The following PCDH15 variants were observed in gnomAD, a reference collection of about 807,000 sequenced individuals.
PCDH15 encodes the protein protocadherin-15.
PCDH15 carries 129 observed loss-of-function variants against 178.5 expected under a neutral mutation model. The observed-to-expected ratio is 0.72, with a 90% confidence interval of 0.63 to 0.84. PCDH15 has a LOEUF of 0.84. PCDH15 is among the 40% of genes least tolerant of loss of function. The probability of loss-of-function intolerance (pLI) is 0.00; values close to 1 mark genes in which losing one functional copy is unlikely to be tolerated. For missense variants in PCDH15, 2,230 were observed against 2,099.9 expected (o/e 1.06, Z -1.21); for synonymous variants, 800 against 732.0 (o/e 1.09, Z -1.50).
At chr10:55,333,169 A>G (rs1327059946) in intron 2 of PCDH15, among the ~76,000 whole-genome samples, 3 of 152,184 alleles carry the variant, frequency 2.0e-5, no homozygotes, top group Non-Finnish European at 4.4e-5. Context: ...CTTTAACATC[A>G]TAATAAGAGA....
chr10:54,331,716 A>T (rs1429060536), intron 6 of PCDH15, among the ~76,000 whole-genome samples: 1 of 151,996 alleles, frequency 6.6e-6, no homozygotes, highest in Admixed American at 6.6e-5. Context: ...TTCTAGCATA[A>T]ATATGGAAGA....
chr10:54,113,964 T>C (rs943011224), intron 15 of PCDH15, among the ~76,000 whole-genome samples: 3 of 151,934 alleles, frequency 2.0e-5, no homozygotes, highest in East Asian at 3.9e-4. Flanking sequence ...GAATTTCCCT[T>C]TATAAAACCA....
chr10:53,808,760 T>C, intron 37 of PCDH15: 1 of 1,612,700 alleles, frequency 6.2e-7, no homozygotes, highest in Admixed American at 1.7e-5. Flanking sequence ...TTCTTGCTTC[T>C]GTCATACGCT....
intron 3 of PCDH15, among the ~76,000 whole-genome samples, chr10:54,843,360 T>C (rs1003480816): frequency 1.4e-4 from 21 of 151,966 alleles, no homozygotes; most frequent in Non-Finnish European, 2.4e-4. Context: ...GCCAGACTTC[T>C]GGGTCAGAAT....
At chr10:54,731,572 A>ATACG (rs1336901141) in intron 1 of PCDH15, among the ~76,000 whole-genome samples, 2 of 45,246 alleles carry the variant, frequency 4.4e-5, no homozygotes. Context: ...ATACACACAC[A>ATACG]CACACACACA....
chr10:55,133,072 T>A (rs1484472463), intron 2 of PCDH15, among the ~76,000 whole-genome samples: 1 of 152,196 alleles, frequency 6.6e-6, no homozygotes, highest in Admixed American at 6.5e-5. Context: ...GACTGATAGA[T>A]CTCGATTTGA....
chr10:54,319,124 A>G (rs2061443763), intron 7 of PCDH15, among the ~76,000 whole-genome samples: 1 of 152,196 alleles, frequency 6.6e-6, no homozygotes, highest in Non-Finnish European at 1.5e-5. Flanking sequence ...CAGAATCTGG[A>G]AATGTTTTTA....
At chr10:54,995,418 A>T (rs931137088) in intron 2 of PCDH15, among the ~76,000 whole-genome samples, 1 of 151,628 alleles carries the variant, frequency 6.6e-6, no homozygotes, top group African/African-American at 2.4e-5. Flanking sequence ...AAGGAAAAAA[A>T]TTATCTTACT....
At chr10:54,239,151 A>T (rs1283505982) in intron 8 of PCDH15, among the ~76,000 whole-genome samples, 1 of 152,110 alleles carries the variant, frequency 6.6e-6, no homozygotes, top group Non-Finnish European at 1.5e-5. Context: ...ATATTTGAGG[A>T]TATGTTGGCT....
intron 3 of PCDH15, among the ~76,000 whole-genome samples, chr10:54,496,999 T>C (rs1392076889): frequency 3.3e-5 from 5 of 152,124 alleles, no homozygotes; most frequent in Admixed American, 2.6e-4. Context: ...TGCAGTCCCC[T>C]GGCACTGGAC....
chr10:55,483,082 G>A (rs988352433), intron 2 of PCDH15, among the ~76,000 whole-genome samples: 2 of 151,750 alleles, frequency 1.3e-5, no homozygotes, highest in African/African-American at 4.8e-5. Context: ...CATGGGCAAA[G>A]ATTTCATTAT....
chr10:54,214,747 T>C (rs545570255), intron 9 of PCDH15, among the ~76,000 whole-genome samples: 2 of 152,094 alleles, frequency 1.3e-5, no homozygotes, highest in Non-Finnish European at 2.9e-5. Flanking sequence ...TGTGCCACCA[T>C]GCCTGGCTAT....
chr10:55,390,872 C>G (rs995398281), intron 2 of PCDH15, among the ~76,000 whole-genome samples: 2 of 152,174 alleles, frequency 1.3e-5, no homozygotes, highest in African/African-American at 4.8e-5. Context: ...ATTGTGAAAA[C>G]AGATGTACAA....
chr10:54,176,254 A>C (rs2047426016), intron 13 of PCDH15, among the ~76,000 whole-genome samples: 1 of 152,146 alleles, frequency 6.6e-6, no homozygotes, highest in South Asian at 2.1e-4. Context: ...TCTTAAAGGA[A>C]CTTACAGATC....
At chr10:54,611,200 A>T (rs1359097737) in intron 2 of PCDH15, among the ~76,000 whole-genome samples, 2 of 151,842 alleles carry the variant, frequency 1.3e-5, no homozygotes, top group African/African-American at 4.8e-5. Context: ...TTGCCAAGTT[A>T]TGTGTCTTTA....
At chr10:55,343,619 A>T (rs139767074) in intron 2 of PCDH15, among the ~76,000 whole-genome samples, 1 of 137,734 alleles carries the variant, frequency 7.3e-6, no homozygotes, top group East Asian at 2.2e-4. Context: ...GATTCAGCCC[A>T]TCTTGAAAAA....
chr10:54,484,563 C>T (rs982349096), intron 3 of PCDH15, among the ~76,000 whole-genome samples: 1 of 151,748 alleles, frequency 6.6e-6, no homozygotes, highest in African/African-American at 2.4e-5. Flanking sequence ...AGACATAGAG[C>T]ATAGGAGTGA....
rs142680220 is a variant in PCDH15, at chr10:54,985,815, C to A, written c.-79-88315G>T. Among the ~76,000 whole-genome samples, 507 of 152,240 alleles carry A rather than the reference C, an allele frequency of 3.3e-3. 3 individuals carry two copies. Among genetic ancestry groups the A allele is most frequent in the African/African-American group, 0.012 (494 of 41,540 alleles). ...TAAGTCAGGGATCATACCTATGTCT[C>A]ACATATAAATAGGATATTTATGGTT... On this transcript the variant is annotated intron_variant, in intron 2 of 5. Transcript: ENST00000458638.
chr10:55,160,582 A>G (rs774436166), intron 2 of PCDH15, among the ~76,000 whole-genome samples: 1 of 152,002 alleles, frequency 6.6e-6, no homozygotes, highest in Non-Finnish European at 1.5e-5. Flanking sequence ...GCCCCTCTCA[A>G]TCAAAGAATG....
Sources: gnomAD v4.1 joint callset for allele counts (sites outside exome capture counted in the v4.1 genomes callset) on GRCh38, gnomAD v4.1.1 for gene constraint, MANE v1.5 for transcripts, NCBI Gene and HGNC (gene_info 2026-07-23, HGNC 2026-07-21) for gene names.